PLAGL1: variants seen among roughly 807,000 people sequenced by gnomAD.
PLAGL1 encodes the protein PLAG1 like zinc finger 1, also known as zinc finger protein PLAGL1.
In PLAGL1, 1 loss-of-function variant was observed where a neutral mutation model predicts 4.6. The ratio of observed to expected loss-of-function variants is 0.22; its 90% CI spans 0.08 to 1.03. The LOEUF is 1.03. Ranked by LOEUF, PLAGL1 falls within the 50% of genes least tolerant of loss-of-function variation. PLAGL1 has a pLI of 0.58. For missense variants in PLAGL1, 464 were observed against 570.4 expected, an observed-to-expected ratio of 0.81 and a Z score of 1.90; for synonymous variants, 240 against 237.8, an observed-to-expected ratio of 1.01 and a Z score of -0.08.
At chr6:143,987,063 A>C (rs1172389365) in intron 1 of PLAGL1, among the ~76,000 whole-genome samples, 2 of 152,210 alleles carry the variant, frequency 1.3e-5, no homozygotes, top group Non-Finnish European at 2.9e-5. Context: ...TTAACACTGA[A>C]ATATATTAAA....
rs1785636412 is a variant in PLAGL1 at position 143,972,573 on chromosome 6, A to AATTTTGTATTATTTGTATTT, written c.-543-3596_-543-3595insAAATACAAATAATACAAAAT. Among the ~76,000 whole-genome samples the AATTTTGTATTATTTGTATTT allele has an allele frequency of 1.3e-5, 2 of 152,284 alleles. No individual in the cohort carries two copies. Among genetic ancestry groups the AATTTTGTATTATTTGTATTT allele is most frequent in the East Asian group, 3.9e-4 (2 of 5,192 alleles). ...ACACACTTCCAGTTACAATATCCCA[A>AATTTTGTATTATTTGTATTT]GAATATAAATATTTTAAAATAAATA... On this transcript the variant is annotated intron_variant, in intron 2 of 7. Transcript: ENST00000674357. This position sits in a 1 kb window ranked among gnomAD's most constrained non-coding sequence, Gnocchi z 6.8.
rs1236798132 is a variant in PLAGL1, at chr6:144,053,403, G to A, written c.-151+11065C>T. 6.6e-6 allele frequency among the ~76,000 whole-genome samples: 1 copy of A among 152,174 alleles called. No individual in the cohort carries two copies. The highest frequency in any genetic ancestry group is 1.5e-5 in the Non-Finnish European group (1 of 68,032). On this transcript the variant is annotated intron_variant, in intron 1 of 3. Coordinates refer to the PLAGL1 transcript ENST00000437412. The surrounding 1 kb of genome is among the most constrained non-coding windows in gnomAD (Gnocchi z 4.0). ...GCCACGATGGCCTCCCAAATTGCTG[G>A]TGTTACAGGCGTGAGCCACCACACC...
rs1467393847 is a variant in PLAGL1, at chr6:143,954,398, G to A, written c.-324-5938C>T. On this transcript the variant is annotated intron_variant, in intron 6 of 7. Transcript: ENST00000674357. This position sits in a 1 kb window ranked among gnomAD's most constrained non-coding sequence, Gnocchi z 5.1. ...AGAGCAGGATATTATTTTTTAAAGA[G>A]GACAACACCAACAAAAAGGCAGTGG... Among the ~76,000 whole-genome samples, 3 of 152,154 alleles carry A rather than the reference G, an allele frequency of 2.0e-5. No homozygotes were observed. The highest frequency in any genetic ancestry group is 2.0e-4 in the Admixed American group (3 of 15,284).
At position 143,952,783 on chromosome 6, in the gene PLAGL1, C is replaced by A. The variant is rs1377038356; in HGVS notation, c.-324-4323G>T. The stretch of plus-strand genomic sequence containing the variant: ...TCTATTTCCATTGTCCTCAGTGACA[C>A]AATCAATGCAAGGCCCATTTCTGAG... On this transcript the variant is annotated intron_variant, in intron 6 of 7. Transcript: ENST00000674357. This position sits in a 1 kb window ranked among gnomAD's most constrained non-coding sequence, Gnocchi z 6.1. Among the ~76,000 whole-genome samples, 1 of 152,198 alleles carries A rather than the reference C, an allele frequency of 6.6e-6. No homozygotes were observed. Among genetic ancestry groups the A allele is most frequent in the African/African-American group, 2.4e-5 (1 of 41,442 alleles).
intron 1 of PLAGL1, among the ~76,000 whole-genome samples, chr6:143,999,581 G>A (rs575938184): frequency 1.3e-5 from 2 of 152,244 alleles, no homozygotes; most frequent in African/African-American, 4.8e-5. Flanking sequence ...GATATAAATC[G>A]CTCCAGAAAG....
Position 143,949,841 on chromosome 6 carries a change from G to A in PLAGL1, c.-324-1381C>T, listed in dbSNP as rs1307494901. Among the ~76,000 whole-genome samples, 1 of 152,042 alleles carries A rather than the reference G, an allele frequency of 6.6e-6. No homozygotes were observed. Among genetic ancestry groups the A allele is most frequent in the Non-Finnish European group, 1.5e-5 (1 of 68,006 alleles). On this transcript the variant is annotated intron_variant, in intron 6 of 7. Coordinates refer to ENST00000674357, the MANE Select transcript of PLAGL1 (RefSeq NM_001317162.2). The surrounding 1 kb of genome is among the most constrained non-coding windows in gnomAD (Gnocchi z 5.3). ...CATGTCTCTAGAGTTGCTCTTTATT[G>A]TTAAAAGTTAATTTTTACTTACCTT...
chr6:144,029,013 C>A (rs1269782981), intron 1 of PLAGL1, among the ~76,000 whole-genome samples: 1 of 152,112 alleles, frequency 6.6e-6, no homozygotes, highest in Non-Finnish European at 1.5e-5. Flanking sequence ...CAAACATAAT[C>A]CCATGACCTT....
At chr6:143,991,869 T>C (rs1790547836) in intron 1 of PLAGL1, among the ~76,000 whole-genome samples, 2 of 152,148 alleles carry the variant, frequency 1.3e-5, no homozygotes, top group Non-Finnish European at 2.9e-5. Flanking sequence ...GGGGTGTCTG[T>C]TTGCAGGAGA....
rs1012149061 is a variant in PLAGL1, at chr6:143,958,590, T to C, written c.-325+1879A>G. On this transcript the variant is annotated intron_variant, in intron 6 of 7. Transcript: ENST00000674357. The surrounding 1 kb of genome is among the most constrained non-coding windows in gnomAD (Gnocchi z 5.1). ...TATTTCAAGAAGCTTGAGAATTTTCTCTTTGCCTTTCCATGTCATGTCCAA... is the reference window on the plus strand; with the variant it reads ...TATTTCAAGAAGCTTGAGAATTTTCCCTTTGCCTTTCCATGTCATGTCCAA... Among the ~76,000 whole-genome samples the C allele has an allele frequency of 1.3e-5, 2 of 152,228 alleles. No individual in the cohort carries two copies. Among genetic ancestry groups the C allele is most frequent in the African/African-American group, 2.4e-5 (1 of 41,462 alleles).
rs2128504872 is a variant in PLAGL1 at position 143,942,516 on chromosome 6, G to A, written c.300C>T (p.Tyr100=). Reference sequence around the variant, plus strand: ...GCCTCTTATAGCCCAGCATGGTGTTGTACTTCTTCCCACACTCCTCACACC... The same window carrying A: ...GCCTCTTATAGCCCAGCATGGTGTTATACTTCTTCCCACACTCCTCACACC... ...AFGCEECGKK[Y]NTMLGYKRHL... Residue 100 remains tyrosine (Y), a synonymous_variant, in exon 8 of 8, where the codon TAC becomes TAT. Coordinates refer to ENST00000674357, the MANE Select transcript of PLAGL1 (RefSeq NM_001317162.2). This position sits in a 1 kb window ranked among gnomAD's most constrained non-coding sequence, Gnocchi z 7.6. 2 of 1,614,174 alleles carry A rather than the reference G, an allele frequency of 1.2e-6. No homozygotes were observed. Among genetic ancestry groups the A allele is most frequent in the Non-Finnish European group, 1.7e-6 (2 of 1,180,036 alleles).
intron 1 of PLAGL1, among the ~76,000 whole-genome samples, chr6:144,003,979 G>T (rs576555956): frequency 5.9e-5 from 9 of 152,244 alleles, no homozygotes; most frequent in African/African-American, 1.4e-4. Flanking sequence ...GCCCAACAAT[G>T]AAAACAACTC....
chr6:144,028,515 A>T (rs780269964), intron 1 of PLAGL1, among the ~76,000 whole-genome samples: 2 of 152,192 alleles, frequency 1.3e-5, no homozygotes, highest in Non-Finnish European at 2.9e-5. Flanking sequence ...ATCACTAATA[A>T]TTTTAAAAGG....
chr6:143,959,845 G>C lies in PLAGL1; in HGVS notation c.-325+624C>G, dbSNP rs934904750. On this transcript the variant is annotated intron_variant, in intron 6 of 7. Coordinates refer to ENST00000674357, the MANE Select transcript of PLAGL1 (RefSeq NM_001317162.2). This position sits in a 1 kb window ranked among gnomAD's most constrained non-coding sequence, Gnocchi z 5.3. ...TATCATTACTGGTGATGATGATAATGATGATGAACAGAGGTTGCTCCCAGG... is the reference window on the plus strand; with the variant it reads ...TATCATTACTGGTGATGATGATAATCATGATGAACAGAGGTTGCTCCCAGG... Among the ~76,000 whole-genome samples, 1 of 152,106 alleles carries C rather than the reference G, an allele frequency of 6.6e-6. No individual in the cohort carries two copies. The highest frequency in any genetic ancestry group is 1.5e-5 in the Non-Finnish European group (1 of 68,032).
chr6:143,942,690 A>T lies in PLAGL1; in HGVS notation c.153-27T>A. On this transcript the variant is annotated intron_variant, in intron 7 of 7. Transcript: ENST00000674357. The surrounding 1 kb of genome is among the most constrained non-coding windows in gnomAD (Gnocchi z 7.6). The stretch of plus-strand genomic sequence containing the variant: ...TAGGAGCAGAAGGAGAAATTTCACA[A>T]TAGAGAGTTGTTTTAAGAGCTGAAG... 6.4e-7 allele frequency: 1 copy of T among 1,573,476 alleles called. No individual in the cohort carries two copies.
In PLAGL1 at chr6:143,982,266, A is replaced by T. The variant is rs1788123791; in HGVS notation, c.-544+2869T>A. Among the ~76,000 whole-genome samples, 1 of 152,142 alleles carries T rather than the reference A, an allele frequency of 6.6e-6. No individual in the cohort carries two copies. The highest frequency in any genetic ancestry group is 1.5e-5 in the Non-Finnish European group (1 of 68,022). On this transcript the variant is annotated intron_variant, in intron 2 of 7. Coordinates refer to ENST00000674357, the MANE Select transcript of PLAGL1 (RefSeq NM_001317162.2). This position sits in a 1 kb window ranked among gnomAD's most constrained non-coding sequence, Gnocchi z 5.3. ...CAGGGAAAAAGGCATGGGTGAGAGG[A>T]TGACAATTTAGGGAGGATCTGAAGG...
Position 143,959,025 on chromosome 6 carries a change from C to A in PLAGL1, c.-325+1444G>T, listed in dbSNP as rs952927193. Among the ~76,000 whole-genome samples the A allele has an allele frequency of 6.6e-6, 1 of 152,232 alleles. No homozygotes were observed. Among genetic ancestry groups the A allele is most frequent in the Non-Finnish European group, 1.5e-5 (1 of 68,034 alleles). Reference sequence around the variant, plus strand: ...TGAACTCTCTGAGTAGCTGTCCTTGCAATCCACATGTGTGGTCCATCCCCC... The same window carrying A: ...TGAACTCTCTGAGTAGCTGTCCTTGAAATCCACATGTGTGGTCCATCCCCC... On this transcript the variant is annotated intron_variant, in intron 6 of 7. Transcript: ENST00000674357. The surrounding 1 kb of genome is among the most constrained non-coding windows in gnomAD (Gnocchi z 5.3).
intron 1 of PLAGL1, among the ~76,000 whole-genome samples, chr6:144,028,189 CTCTG>C (rs542162614): frequency 1.0e-3 from 153 of 152,262 alleles, no homozygotes; most frequent in African/African-American, 3.5e-3. Context: ...CTTTAGAATA[CTCTG>C]TCTAAAATTA....
chr6:143,941,863 A>AG lies in PLAGL1; in HGVS notation c.952dup (p.Leu318ProfsTer6), dbSNP rs768840283. 6.2e-7 allele frequency: 1 copy of AG among 1,614,082 alleles called. No homozygotes were observed. On this transcript the variant is annotated frameshift_variant, in exon 8 of 8. Transcript: ENST00000674357. LOFTEE classifies it low-confidence loss of function (END_TRUNC). This position sits in a 1 kb window ranked among gnomAD's most constrained non-coding sequence, Gnocchi z 6.0. ...GCAAAAACCTTTAGTATCTGCTTTG[A>AG]GGGGCAGGCTTGCAAGTGGGGAGTA...
intron 2 of PLAGL1, among the ~76,000 whole-genome samples, chr6:143,969,827 C>T (rs1281799465): frequency 6.6e-6 from 1 of 151,090 alleles, no homozygotes; most frequent in African/African-American, 2.4e-5. Context: ...TTTTTAAAGT[C>T]AAGACCACTA....
Sources: gnomAD v4.1 joint callset for allele counts (sites outside exome capture counted in the v4.1 genomes callset) on GRCh38, gnomAD v4.1.1 for gene constraint, Gnocchi (gnomAD v3.1) non-coding constraint, MANE v1.5 for transcripts, NCBI Gene and HGNC (gene_info 2026-07-23, HGNC 2026-07-21) for gene names.